The following SYNJ1 variants were observed in gnomAD, a reference collection of about 807,000 sequenced individuals.
SYNJ1 encodes polyphosphatidylinositol phosphatase SYNJ1.
SYNJ1 carries 78 observed loss-of-function variants against 168.2 expected under a neutral mutation model. That is an observed-to-expected ratio of 0.46 (90% CI 0.39 to 0.56). SYNJ1 has a LOEUF of 0.56. SYNJ1 is among the 20% of genes least tolerant of loss of function. The probability of loss-of-function intolerance (pLI) is 0.00; values close to 1 mark genes in which losing one functional copy is unlikely to be tolerated. For missense variants in SYNJ1, 1,303 were observed against 1,597.6 expected, an observed-to-expected ratio of 0.82 and a Z score of 3.14; for synonymous variants, 539 against 548.6, an observed-to-expected ratio of 0.98 and a Z score of 0.24.
At position 32,631,196 on chromosome 21, in the gene SYNJ1, C is replaced by T; in HGVS notation, c.*609G>A. ...GGTTGGAGCCAGAAAATGAACTTGG[C>T]TGATTACCCAGTAAGTCTGAACAAG... On this transcript the variant is annotated 3_prime_UTR_variant, in exon 33 of 33. Transcript: ENST00000674351. 1 of 1,614,222 alleles carries T rather than the reference C, an allele frequency of 6.2e-7. No homozygotes were observed. The highest frequency in any genetic ancestry group is 8.5e-7 in the Non-Finnish European group (1 of 1,180,040).
intron 2 of SYNJ1, among the ~76,000 whole-genome samples, chr21:32,705,138 ACT>A (rs2042562432): frequency 6.7e-6 from 1 of 148,840 alleles, no homozygotes; most frequent in Admixed American, 6.8e-5. Flanking sequence ...ACAGAGTGAG[ACT>A]CTGTCTCAAA....
intron 31 of SYNJ1, 79 bp downstream of exon 31, chr21:32,638,829 G>T: frequency 7.6e-7 from 1 of 1,319,482 alleles, no homozygotes. Flanking sequence ...CTTATAACAG[G>T]CAATAATTAA....
At chr21:32,709,507 AG>A in intron 2 of SYNJ1, among the ~76,000 whole-genome samples, 1 of 136,382 alleles carries the variant, frequency 7.3e-6, no homozygotes, top group Non-Finnish European at 1.6e-5. Context: ...AAAAAGAAAG[AG>A]ATTTTATGGA....
chr21:32,717,426 A>G (rs2043064821), intron 2 of SYNJ1, among the ~76,000 whole-genome samples: 1 of 152,176 alleles, frequency 6.6e-6, no homozygotes, highest in African/African-American at 2.4e-5. Context: ...ATTCCTATAA[A>G]TATTCTTAAA....
intron 2 of SYNJ1, among the ~76,000 whole-genome samples, chr21:32,711,391 G>C (rs970990015): frequency 1.3e-5 from 2 of 150,882 alleles, no homozygotes; most frequent in Non-Finnish European, 2.9e-5. Flanking sequence ...GGAGTGCAGT[G>C]GTGTGATCTT....
At chr21:32,691,136 C>T (rs1424243559) in intron 6 of SYNJ1, among the ~76,000 whole-genome samples, 1 of 152,122 alleles carries the variant, frequency 6.6e-6, no homozygotes, top group African/African-American at 2.4e-5. Flanking sequence ...GAATTGTAAC[C>T]CCCAAGGTTG....
At chr21:32,682,335 G>A (rs530799498) in intron 10 of SYNJ1, among the ~76,000 whole-genome samples, 17 of 152,192 alleles carry the variant, frequency 1.1e-4, no homozygotes, top group South Asian at 4.1e-4. Context: ...GTCAATGTTC[G>A]ATCTTTATCC....
intron 22 of SYNJ1, among the ~76,000 whole-genome samples, chr21:32,650,919 A>G (rs746736556): frequency 3.9e-5 from 6 of 152,228 alleles, no homozygotes; most frequent in Non-Finnish European, 8.8e-5. Context: ...AAAATTAATC[A>G]TTCTAAAAAC....
At chr21:32,645,826 A>C in intron 24 of SYNJ1, 37 bp from the exon 25 acceptor site, 1 of 1,514,234 alleles carries the variant, frequency 6.6e-7, no homozygotes, top group Non-Finnish European at 8.9e-7. Context: ...ATCAGCTTCT[A>C]AGTAGCTGTT....
At chr21:32,659,535 C>A (rs1018425230) in intron 18 of SYNJ1, among the ~76,000 whole-genome samples, 5 of 152,174 alleles carry the variant, frequency 3.3e-5, no homozygotes, top group Admixed American at 3.3e-4. Context: ...GTTTGTGTTA[C>A]CTATAGATTT....
intron 26 of SYNJ1, 137 bp downstream of exon 26, chr21:32,644,831 A>T: frequency 1.0e-6 from 1 of 959,116 alleles, no homozygotes; most frequent in Non-Finnish European, 1.5e-6. Flanking sequence ...GAAAGCCTTT[A>T]TTAGTTTTAT....
intron 1 of SYNJ1, among the ~76,000 whole-genome samples, chr21:32,727,237 G>C (rs996907239): frequency 6.6e-6 from 1 of 152,178 alleles, no homozygotes; most frequent in Non-Finnish European, 1.5e-5. Flanking sequence ...ATTTCGTCCG[G>C]AGCTGTTTAT....
intron 4 of SYNJ1, among the ~76,000 whole-genome samples, chr21:32,698,452 C>A (rs544731960): frequency 2.2e-4 from 34 of 152,260 alleles, no homozygotes; most frequent in African/African-American, 7.7e-4. Context: ...CAAGAGGAAA[C>A]CATCTTGAAT....
intron 2 of SYNJ1, among the ~76,000 whole-genome samples, chr21:32,705,652 A>G (rs573385585): frequency 2.6e-5 from 4 of 152,300 alleles, no homozygotes; most frequent in African/African-American, 9.6e-5. Context: ...TCTTCCCGAC[A>G]TGCCTAGCAA....
At chr21:32,669,193 C>CT (rs947555601) in intron 15 of SYNJ1, among the ~76,000 whole-genome samples, 131 of 151,598 alleles carry the variant, frequency 8.6e-4, no homozygotes, top group Admixed American at 4.5e-3. Flanking sequence ...CAAACTGCCA[C>CT]TTTTTTTTTG....
intron 2 of SYNJ1, among the ~76,000 whole-genome samples, chr21:32,722,107 C>T (rs1310937872): frequency 6.7e-6 from 1 of 149,668 alleles, no homozygotes; most frequent in East Asian, 2.0e-4. Flanking sequence ...ATCACTTGAA[C>T]TTGGGAAGGG....
chr21:32,720,570 A>C (rs2043185041), intron 2 of SYNJ1, among the ~76,000 whole-genome samples: 1 of 152,254 alleles, frequency 6.6e-6, no homozygotes, highest in African/African-American at 2.4e-5. Context: ...AACCAGGTGC[A>C]GTGATATGGC....
intron 2 of SYNJ1, among the ~76,000 whole-genome samples, chr21:32,702,414 A>G (rs2042437676): frequency 6.6e-6 from 1 of 152,238 alleles, no homozygotes; most frequent in Admixed American, 6.5e-5. Context: ...CTGAAAGGAC[A>G]AAAGTCTGGT....
At chr21:32,709,410 G>A (rs2042735017) in intron 2 of SYNJ1, among the ~76,000 whole-genome samples, 2 of 150,938 alleles carry the variant, frequency 1.3e-5, no homozygotes, top group Admixed American at 1.3e-4. Context: ...CCGGCAGGCG[G>A]AGGTAGTAGT....
Sources: allele counts gnomAD v4.1 joint callset (sites outside exome capture counted in the v4.1 genomes callset), GRCh38; gene constraint gnomAD v4.1.1; transcripts MANE v1.5; gene names NCBI Gene and HGNC (gene_info 2026-07-23, HGNC 2026-07-21).